Variants in CADPS2 observed in about 807,000 individuals in gnomAD.
The protein encoded by CADPS2 is calcium-dependent secretion activator 2.
In CADPS2, 93 loss-of-function variants were observed where a neutral mutation model predicts 172.5. That is an observed-to-expected ratio of 0.54 (90% CI 0.46 to 0.64). The LOEUF is 0.64. CADPS2 is among the 30% of genes least tolerant of loss of function. The pLI, the probability that CADPS2 is intolerant of heterozygous loss-of-function variation, is 0.00. For synonymous variants in CADPS2, 546 were observed against 555.2 expected (o/e 0.98, Z 0.23); for missense variants, 1,420 against 1,565.9 (o/e 0.91, Z 1.57).
At chr7:122,638,332 C>T (rs368173738) in intron 3 of CADPS2, among the ~76,000 whole-genome samples, 2 of 152,158 alleles carry the variant, frequency 1.3e-5, no homozygotes, top group African/African-American at 2.4e-5. Flanking sequence ...TCCCCACCCC[C>T]TGCTTGGGGC....
chr7:122,750,411 G>A (rs905462025), intron 1 of CADPS2, among the ~76,000 whole-genome samples: 4 of 152,012 alleles, frequency 2.6e-5, no homozygotes, highest in East Asian at 1.9e-4. Flanking sequence ...ATTTGCATTC[G>A]TATTGTGTCT....
In CADPS2 at chr7:122,347,028, A is replaced by G. The variant is rs532849517; in HGVS notation, c.3505-1347T>C. Among the ~76,000 whole-genome samples the G allele has an allele frequency of 2.0e-5, 3 of 152,332 alleles. No homozygotes were observed. In the East Asian group the frequency reaches 5.8e-4, roughly 29 times the overall value. On this transcript the variant is annotated intron_variant, in intron 27 of 29. Transcript: ENST00000449022. ...TAGATCTATTAAATTAGATAGATCC[A>G]TCGACCTAATGATAGGTAGGTAGAA...
chr7:122,503,212 T>A (rs1356576548), intron 9 of CADPS2, among the ~76,000 whole-genome samples: 1 of 151,910 alleles, frequency 6.6e-6, no homozygotes, highest in Non-Finnish European at 1.5e-5. Flanking sequence ...ATTTTTGTAT[T>A]TTTAGTAGAG....
intron 2 of CADPS2, among the ~76,000 whole-genome samples, chr7:122,711,959 T>G (rs2088815957): frequency 6.6e-6 from 1 of 152,120 alleles, no homozygotes; most frequent in Non-Finnish European, 1.5e-5. Flanking sequence ...CCATGTTTTT[T>G]ATTTTTGTAT....
At chr7:122,870,783 G>A (rs1365914311) in intron 1 of CADPS2, among the ~76,000 whole-genome samples, 1 of 151,970 alleles carries the variant, frequency 6.6e-6, no homozygotes, top group African/African-American at 2.4e-5. Flanking sequence ...GCGCTATCTT[G>A]TCCATGTCTA....
intron 2 of CADPS2, among the ~76,000 whole-genome samples, chr7:122,718,976 T>C (rs2137006199): frequency 6.6e-6 from 1 of 152,150 alleles, no homozygotes; most frequent in Non-Finnish European, 1.5e-5. Context: ...GTTTTGATAA[T>C]AAAACTTTTA....
At chr7:122,535,341 C>T (rs1278434644) in intron 8 of CADPS2, among the ~76,000 whole-genome samples, 2 of 151,922 alleles carry the variant, frequency 1.3e-5, no homozygotes, top group Admixed American at 6.6e-5. Context: ...TATCATCATA[C>T]CTATCACATA....
At chr7:122,676,587 A>T in intron 2 of CADPS2, 3 of 983,408 alleles carry the variant, frequency 3.1e-6, no homozygotes, top group Non-Finnish European at 4.6e-6. Flanking sequence ...TCCACTTCAC[A>T]CAGCATGACT....
chr7:122,829,781 T>C (rs886554747), intron 1 of CADPS2, among the ~76,000 whole-genome samples: 4 of 152,004 alleles, frequency 2.6e-5, no homozygotes, highest in African/African-American at 9.7e-5. Flanking sequence ...TATTTATTTT[T>C]AGAAGTCTTC....
At chr7:122,781,375 C>G (rs574743374) in intron 1 of CADPS2, among the ~76,000 whole-genome samples, 1 of 152,240 alleles carries the variant, frequency 6.6e-6, no homozygotes, top group African/African-American at 2.4e-5. Context: ...ATTCAAAAGA[C>G]TTATTTGACA....
At chr7:122,623,106 C>A (rs1203375486) in intron 4 of CADPS2, among the ~76,000 whole-genome samples, 2 of 152,076 alleles carry the variant, frequency 1.3e-5, no homozygotes, top group Non-Finnish European at 2.9e-5. Context: ...AATTAACTTT[C>A]CCAAAGAAGG....
intron 2 of CADPS2, among the ~76,000 whole-genome samples, chr7:122,679,761 C>T (rs751613611): frequency 1.6e-4 from 25 of 152,180 alleles, no homozygotes; most frequent in African/African-American, 5.1e-4. Context: ...TTTCTCAGAC[C>T]GGCCAACACT....
intron 3 of CADPS2, among the ~76,000 whole-genome samples, chr7:122,639,866 T>G (rs563445116): frequency 6.6e-6 from 1 of 152,310 alleles, no homozygotes; most frequent in South Asian, 2.1e-4. Context: ...ACTGCCTGGA[T>G]GCTCTCCTCA....
intron 2 of CADPS2, chr7:122,702,462 G>A (rs2086298643): frequency 6.2e-7 from 1 of 1,613,640 alleles, no homozygotes; most frequent in African/African-American, 1.3e-5. Context: ...GAGTCTGCCT[G>A]TTTGGGCCTG....
At chr7:122,844,216 AG>A (rs1811351931) in intron 1 of CADPS2, among the ~76,000 whole-genome samples, 1 of 152,256 alleles carries the variant, frequency 6.6e-6, no homozygotes. Context: ...GCAAAGAACT[AG>A]GGGAACAGGA....
At chr7:122,478,967 T>C (rs2057000101) in intron 12 of CADPS2, among the ~76,000 whole-genome samples, 1 of 152,266 alleles carries the variant, frequency 6.6e-6, no homozygotes, top group African/African-American at 2.4e-5. Flanking sequence ...ATACTTCTTT[T>C]TTCTTTGCAA....
intron 8 of CADPS2, among the ~76,000 whole-genome samples, chr7:122,528,911 C>A (rs773224816): frequency 6.6e-6 from 1 of 152,098 alleles, no homozygotes; most frequent in African/African-American, 2.4e-5. Context: ...TACCACTTCA[C>A]TTCCTTTTAA....
At chr7:122,641,862 TAA>T (rs758278861) in intron 3 of CADPS2, among the ~76,000 whole-genome samples, 14 of 143,218 alleles carry the variant, frequency 9.8e-5, no homozygotes, top group Admixed American at 2.1e-4. Flanking sequence ...TATGTTACGT[TAA>T]AAAAAAAAAA....
At chr7:122,801,745 A>G (rs572554990) in intron 1 of CADPS2, among the ~76,000 whole-genome samples, 1 of 151,056 alleles carries the variant, frequency 6.6e-6, no homozygotes, top group East Asian at 1.9e-4. Flanking sequence ...AAAATGAAAA[A>G]GCCAAGAGAA....
Sources: gnomAD v4.1 joint callset for allele counts (sites outside exome capture counted in the v4.1 genomes callset) on GRCh38, gnomAD v4.1.1 for gene constraint, MANE v1.5 for transcripts, NCBI Gene and HGNC (gene_info 2026-07-23, HGNC 2026-07-21) for gene names.